PAPSS1: variants seen among roughly 807,000 people sequenced by gnomAD.
The protein encoded by PAPSS1 is 3'-phosphoadenosine 5'-phosphosulfate synthase 1, also known as bifunctional 3'-phosphoadenosine 5'-phosphosulfate synthase 1.
In PAPSS1, 50 loss-of-function variants were observed where a neutral mutation model predicts 72.0. That is an observed-to-expected ratio of 0.69 (90% CI 0.55 to 0.88). The LOEUF (loss-of-function observed/expected upper bound fraction) is 0.88, where lower values mean the gene tolerates loss of function less well. Ranked by LOEUF, PAPSS1 falls within the 40% of genes least tolerant of loss-of-function variation. The pLI, the probability that PAPSS1 is intolerant of heterozygous loss-of-function variation, is 0.00. For missense variants in PAPSS1, 657 were observed against 782.2 expected (o/e 0.84, Z 1.91); for synonymous variants, 261 against 263.6 (o/e 0.99, Z 0.09).
intron 5 of PAPSS1, among the ~76,000 whole-genome samples, chr4:107,661,844 T>C (rs924339680): frequency 1.3e-5 from 2 of 152,200 alleles, no homozygotes; most frequent in Non-Finnish European, 2.9e-5. Flanking sequence ...CAAAGCCAGA[T>C]GACTTCATGA....
At chr4:107,633,966 A>C (rs2110304073) in intron 10 of PAPSS1, among the ~76,000 whole-genome samples, 1 of 151,800 alleles carries the variant, frequency 6.6e-6, no homozygotes, top group African/African-American at 2.4e-5. Context: ...TACCTGCTAG[A>C]TTATAAGTCA....
rs558953341 is a variant in PAPSS1 at position 107,668,894 on chromosome 4, T to C, written c.670-8822A>G. ...GGCATTCGCTTTCAGCACACACATTTATATATTCTTTTACATAATGCTGGT... is the reference window on the plus strand; with the variant it reads ...GGCATTCGCTTTCAGCACACACATTCATATATTCTTTTACATAATGCTGGT... On this transcript the variant is annotated intron_variant, in intron 5 of 11. Coordinates refer to ENST00000265174, the MANE Select transcript of PAPSS1 (RefSeq NM_005443.5). 7.2e-5 allele frequency among the ~76,000 whole-genome samples: 11 copies of C among 152,294 alleles called. No homozygotes were observed. In the South Asian group the frequency reaches 2.3e-3, roughly 32 times the overall value.
At chr4:107,705,718 G>A (rs1222863001) in intron 1 of PAPSS1, among the ~76,000 whole-genome samples, 2 of 152,134 alleles carry the variant, frequency 1.3e-5, no homozygotes, top group Admixed American at 6.5e-5. Flanking sequence ...ATTGTCACAC[G>A]ACAATTACAG....
chr4:107,717,276 A>G (rs1195208798), intron 1 of PAPSS1, among the ~76,000 whole-genome samples: 2 of 152,246 alleles, frequency 1.3e-5, no homozygotes, highest in Admixed American at 1.3e-4. Context: ...TACATGGCTC[A>G]TATTTCCTCT....
intron 5 of PAPSS1, among the ~76,000 whole-genome samples, chr4:107,661,187 A>G (rs1727171366): frequency 6.6e-6 from 1 of 152,246 alleles, no homozygotes; most frequent in Admixed American, 6.5e-5. Context: ...CCAAAATCCG[A>G]AACACTGACA....
intron 9 of PAPSS1, among the ~76,000 whole-genome samples, chr4:107,649,705 C>T (rs10516543): frequency 0.23 from 35,262 of 152,166 alleles, 4,173 homozygotes; most frequent in East Asian, 0.37. Flanking sequence ...GATGTCTCCA[C>T]TTACACACTT....
At chr4:107,685,496 A>C (rs2110338646) in intron 4 of PAPSS1, among the ~76,000 whole-genome samples, 1 of 152,364 alleles carries the variant, frequency 6.6e-6, no homozygotes, top group African/African-American at 2.4e-5. Context: ...CAAAGACTGA[A>C]GTGAAAACTG....
chr4:107,661,922 T>TAGGG (rs1727192919), intron 5 of PAPSS1, among the ~76,000 whole-genome samples: 1 of 152,192 alleles, frequency 6.6e-6, no homozygotes, highest in African/African-American at 2.4e-5. Flanking sequence ...ACTATTCTCT[T>TAGGG]ACATTTCTCC....
chr4:107,704,514 G>C (rs1281701901), intron 1 of PAPSS1, among the ~76,000 whole-genome samples: 1 of 152,182 alleles, frequency 6.6e-6, no homozygotes, highest in Non-Finnish European at 1.5e-5. Context: ...TTACGTTGAA[G>C]TACATTCCTT....
chr4:107,620,255 T>C (rs1041347060), intron 11 of PAPSS1, among the ~76,000 whole-genome samples: 1 of 152,234 alleles, frequency 6.6e-6, no homozygotes, highest in Non-Finnish European at 1.5e-5. Context: ...TGAATCTGTT[T>C]TGAGTCTAAC....
intron 9 of PAPSS1, among the ~76,000 whole-genome samples, chr4:107,646,841 A>G (rs1212360897): frequency 6.6e-6 from 1 of 152,144 alleles, no homozygotes; most frequent in Non-Finnish European, 1.5e-5. Flanking sequence ...AGTGCTCCAC[A>G]GGCACCTCAC....
chr4:107,657,741 T>C (rs1727058829), intron 6 of PAPSS1, among the ~76,000 whole-genome samples: 2 of 137,618 alleles, frequency 1.5e-5, no homozygotes, highest in South Asian at 4.5e-4. Flanking sequence ...TGAGACCATG[T>C]CTCAAAAAAA....
Position 107,640,375 on chromosome 4 carries a change from T to C in PAPSS1, c.1506+4427A>G, listed in dbSNP as rs1392072593. Among the ~76,000 whole-genome samples, 4 of 152,202 alleles carry C rather than the reference T, an allele frequency of 2.6e-5. No individual in the cohort carries two copies. The East Asian group carries it at 7.7e-4, about 29-fold the overall frequency. On this transcript the variant is annotated intron_variant, in intron 10 of 11. Coordinates refer to ENST00000265174, the MANE Select transcript of PAPSS1 (RefSeq NM_005443.5). ...TTGATAACCAAATAGGCTTAACAGC[T>C]GCCCATGGTTCTGAAAAGCATTTGT...
chr4:107,665,898 T>C (rs1727304141), intron 5 of PAPSS1, among the ~76,000 whole-genome samples: 1 of 152,202 alleles, frequency 6.6e-6, no homozygotes, highest in Non-Finnish European at 1.5e-5. Context: ...CCTCTCATTT[T>C]AATCTTCCTA....
In PAPSS1 at chr4:107,682,137, CA is replaced by C; in HGVS notation, c.551-5del. The C allele has an allele frequency of 7.3e-7, 1 of 1,379,100 alleles. No individual in the cohort carries two copies. The highest frequency in any genetic ancestry group is 1.0e-6 in the Non-Finnish European group (1 of 972,690). The allele number at this position is 1,379,100 out of a possible 1,614,324, so 85.4% of individuals were successfully genotyped here. A position where few individuals can be genotyped will look rare whatever the true frequency, so the allele number is the denominator to read the frequency against. ...TCAGAATCGATCCCAGTGAAACCTGCAAAAGGTAACAGATAATAGAGTAGGG... is the reference window on the plus strand; with the variant it reads ...TCAGAATCGATCCCAGTGAAACCTGCAAAGGTAACAGATAATAGAGTAGGG... On this transcript the variant is annotated splice_polypyrimidine_tract_variant and splice_region_variant and intron_variant, in intron 4 of 11. Transcript: ENST00000265174.
At position 107,614,375 on chromosome 4, in the gene PAPSS1, A is replaced by G; in HGVS notation, c.1749T>C (p.Phe583=). ...GCATTCGTGTTCCTGAAATAAATTC[A>G]AAGTCTTCATGGCTAAAGGAGAGGA... ...DYYDSEHHED[F]EFISGTRMRK... is the part of the protein sequence containing the mutation. The change falls in exon 12 of 12, where the codon TTT becomes TTC. Residue 583 remains phenylalanine (F), a synonymous_variant. Coordinates refer to ENST00000265174, the MANE Select transcript of PAPSS1 (RefSeq NM_005443.5). The G allele has an allele frequency of 1.9e-6, 3 of 1,613,596 alleles. No homozygotes were observed. The highest frequency in any genetic ancestry group is 2.5e-6 in the Non-Finnish European group (3 of 1,179,596).
At chr4:107,694,338 G>A (rs932766158) in intron 2 of PAPSS1, 3 of 245,310 alleles carry the variant, frequency 1.2e-5, no homozygotes, top group East Asian at 9.2e-5. Context: ...CATTCATTAT[G>A]CAAAGCAATC....
intron 1 of PAPSS1, among the ~76,000 whole-genome samples, chr4:107,706,344 T>C (rs1264184823): frequency 1.4e-4 from 22 of 152,226 alleles, no homozygotes; most frequent in Admixed American, 1.4e-3. Context: ...TTTCCTCCTC[T>C]AACTATGGAA....
intron 3 of PAPSS1, among the ~76,000 whole-genome samples, chr4:107,690,078 C>T (rs550717453): frequency 6.6e-6 from 1 of 152,278 alleles, no homozygotes; most frequent in Non-Finnish European, 1.5e-5. Context: ...GGTGCTACGG[C>T]AAGCCTCCTG....
Sources: gnomAD v4.1 joint callset for allele counts (sites outside exome capture counted in the v4.1 genomes callset) on GRCh38, gnomAD v4.1.1 for gene constraint, MANE v1.5 for transcripts, NCBI Gene and HGNC (gene_info 2026-07-23, HGNC 2026-07-21) for gene names.